TSNARE1: variants seen among roughly 807,000 people sequenced by gnomAD.
TSNARE1 encodes t-SNARE domain containing 1.
A neutral mutation model predicts 62.0 loss-of-function variants in TSNARE1; 49 were observed. The observed-to-expected ratio is 0.79, with a 90% CI of 0.63 to 1.00. The LOEUF is 1.00. TSNARE1 is among the 50% of genes least tolerant of loss of function. The pLI is 0.00. For missense variants in TSNARE1, 755 were observed against 700.1 expected, an observed-to-expected ratio of 1.08 and a Z score of -0.88; for synonymous variants, 328 against 294.4, an observed-to-expected ratio of 1.11 and a Z score of -1.17.
In TSNARE1 at chr8:142,212,090, A is replaced by C. The variant is rs1297391912; in HGVS notation, c.*235T>G. On this transcript the variant is annotated 3_prime_UTR_variant, in exon 14 of 14. Transcript: ENST00000524325. ...AGACAGGCACGTGGCTGGATAAGCC[A>C]CAGCGGTTTATTCGGGTGCTCAGCT... The C allele has an allele frequency of 6.6e-6, 1 of 152,356 alleles. No homozygotes were observed. The highest frequency in any genetic ancestry group is 2.4e-5 in the African/African-American group (1 of 41,444). The allele number at this position is 152,356 out of a possible 1,614,324, so 9.4% of individuals were successfully genotyped here.
intron 11 of TSNARE1, chr8:142,280,434 C>T (rs1821230251): frequency 1.7e-6 from 1 of 600,762 alleles, no homozygotes; most frequent in Non-Finnish European, 2.1e-6. Context: ...GGCCAGGCCT[C>T]GCATCGGCAC....
intron 13 of TSNARE1, among the ~76,000 whole-genome samples, chr8:142,223,348 A>ACTCG (rs1256447817): frequency 1.2e-4 from 10 of 84,450 alleles, no homozygotes; most frequent in African/African-American, 4.9e-4. Context: ...TCATTCACTC[A>ACTCG]TTCACTCACT....
chr8:142,316,141 G>C (rs1355054840), intron 7 of TSNARE1, among the ~76,000 whole-genome samples: 1 of 147,140 alleles, frequency 6.8e-6, no homozygotes, highest in Non-Finnish European at 1.5e-5. Flanking sequence ...TTGGATGAAG[G>C]AGTAAATGAA....
At chr8:142,212,877 T>C (rs1251361268) in intron 13 of TSNARE1, among the ~76,000 whole-genome samples, 3 of 97,606 alleles carry the variant, frequency 3.1e-5, no homozygotes, top group African/African-American at 1.2e-4. Context: ...TCTCCAATCC[T>C]TCCTCCCCTT....
chr8:142,318,290 C>A (rs572899873), intron 7 of TSNARE1, among the ~76,000 whole-genome samples: 2 of 152,224 alleles, frequency 1.3e-5, no homozygotes, highest in African/African-American at 2.4e-5. Flanking sequence ...CCCACTACTG[C>A]ATAAGCCAAG....
chr8:142,255,473 C>T (rs867043137), intron 12 of TSNARE1, among the ~76,000 whole-genome samples: 2,402 of 32,444 alleles, frequency 0.074, 661 homozygotes, highest in African/African-American at 0.14. Flanking sequence ...ACCATCACCA[C>T]CACCATCACC....
At chr8:142,286,674 G>C (rs1332567833) in intron 10 of TSNARE1, among the ~76,000 whole-genome samples, 1 of 152,214 alleles carries the variant, frequency 6.6e-6, no homozygotes, top group South Asian at 2.1e-4. Context: ...TGGAGACCAA[G>C]CCTAGGCTCC....
intron 11 of TSNARE1, chr8:142,275,476 G>A: frequency 1.5e-5 from 15 of 985,394 alleles, no homozygotes; most frequent in Non-Finnish European, 1.8e-5. Context: ...AGGGCCCACG[G>A]GAGACACCAG....
chr8:142,390,777 G>A (rs1249883068), intron 1 of TSNARE1, among the ~76,000 whole-genome samples: 1 of 54,180 alleles, frequency 1.8e-5, no homozygotes, highest in African/African-American at 1.0e-4. Context: ...CGTAACAGAC[G>A]CTGTACACTG....
At position 142,229,658 on chromosome 8, in the gene TSNARE1, T is replaced by G. The variant is rs77718320; in HGVS notation, c.1447-79A>C. 4,615 of 1,395,874 alleles carry G rather than the reference T, an allele frequency of 3.3e-3. 145 individuals are homozygous for G. In the African/African-American group the frequency reaches 0.058, roughly 18 times the overall value. The allele number at this position is 1,395,874 out of a possible 1,614,324, so 86.5% of individuals were successfully genotyped here. On this transcript the variant is annotated intron_variant, in intron 12 of 13. Transcript: ENST00000524325. ...TCAGGGGCATTTGGCTTGTGCATACTTTGGGCTGTGGCATGCAGGGGCTGA... is the reference window on the plus strand; with the variant it reads ...TCAGGGGCATTTGGCTTGTGCATACGTTGGGCTGTGGCATGCAGGGGCTGA...
intron 12 of TSNARE1, chr8:142,274,020 C>G (rs1401488803): frequency 3.0e-6 from 3 of 985,222 alleles, no homozygotes; most frequent in African/African-American, 3.5e-5. Context: ...GCTCTCCTGG[C>G]CCCAGCTGGC....
chr8:142,251,111 G>C (rs1462511383), intron 12 of TSNARE1, among the ~76,000 whole-genome samples: 1 of 152,150 alleles, frequency 6.6e-6, no homozygotes, highest in African/African-American at 2.4e-5. Flanking sequence ...AAAATGCTGA[G>C]GCCCAGAGTC....
rs529314504 is a variant in TSNARE1 at position 142,364,497 on chromosome 8, C to T, written c.-39-9734G>A. On this transcript the variant is annotated intron_variant, in intron 1 of 13. Coordinates refer to ENST00000524325, the MANE Select transcript of TSNARE1 (RefSeq NM_145003.5). ...ACTGAGAGGGCTGAGACACTACACA[C>T]CCCCACAGCAATGGGCACACCCAGC... Among the ~76,000 whole-genome samples, 6 of 152,266 alleles carry T rather than the reference C, an allele frequency of 3.9e-5. No homozygotes were observed. The South Asian group carries it at 8.3e-4, about 21-fold the overall frequency.
At chr8:142,360,253 C>A (rs1835051149) in intron 1 of TSNARE1, among the ~76,000 whole-genome samples, 1 of 152,046 alleles carries the variant, frequency 6.6e-6, no homozygotes, top group Non-Finnish European at 1.5e-5. Flanking sequence ...GAGGCATGGC[C>A]AGGAGGGGAT....
At chr8:142,305,005 G>A (rs564215573) in intron 9 of TSNARE1, among the ~76,000 whole-genome samples, 74 of 152,318 alleles carry the variant, frequency 4.9e-4, no homozygotes, top group Non-Finnish European at 6.3e-4. Context: ...GGTCCCCGGG[G>A]CAGCCCGGCT....
At chr8:142,246,417 C>G (rs1817886151) in intron 12 of TSNARE1, among the ~76,000 whole-genome samples, 1 of 152,126 alleles carries the variant, frequency 6.6e-6, no homozygotes, top group Non-Finnish European at 1.5e-5. Context: ...CAGCCTGCCC[C>G]CATCTGAGGA....
At chr8:142,340,568 AG>A (rs1832442035) in intron 4 of TSNARE1, among the ~76,000 whole-genome samples, 1 of 152,244 alleles carries the variant, frequency 6.6e-6, no homozygotes, top group Non-Finnish European at 1.5e-5. Context: ...AGACTTTAAA[AG>A]GGTGAAACGA....
intron 1 of TSNARE1, among the ~76,000 whole-genome samples, chr8:142,376,562 CT>C (rs1208488937): frequency 6.6e-6 from 1 of 152,202 alleles, no homozygotes; most frequent in Non-Finnish European, 1.5e-5. Flanking sequence ...AGAACCACCC[CT>C]GCTGGCACTC....
At chr8:142,404,621 A>AT (rs1838537036), upstream of TSNARE1, 1 of 152,290 alleles carries the variant, frequency 6.6e-6, no homozygotes, top group Non-Finnish European at 1.5e-5. Context: ...CAGCCTCGCC[A>AT]TGATTTGGAC....
Sources: gnomAD v4.1 joint callset for allele counts (sites outside exome capture counted in the v4.1 genomes callset) on GRCh38, gnomAD v4.1.1 for gene constraint, MANE v1.5 for transcripts, NCBI Gene and HGNC (gene_info 2026-07-23, HGNC 2026-07-21) for gene names.